TGFBR1: variants seen among roughly 807,000 people sequenced by gnomAD.
TGFBR1 encodes transforming growth factor beta receptor 1.
TGFBR1 carries 20 observed loss-of-function variants against 55.1 expected under a neutral mutation model. The observed-to-expected ratio is 0.36, with a 90% CI of 0.26 to 0.53. TGFBR1 has a LOEUF of 0.53. Among genes scored for constraint, TGFBR1 ranks in the 20% least tolerant of loss-of-function variants. The pLI is 0.91. For synonymous variants in TGFBR1, 220 were observed against 214.8 expected (o/e 1.02, Z -0.21); for missense variants, 385 against 617.6 (o/e 0.62, Z 3.99).
intron 1 of TGFBR1, among the ~76,000 whole-genome samples, chr9:99,110,665 C>T (rs764802736): frequency 3.3e-5 from 5 of 152,310 alleles, no homozygotes; most frequent in Non-Finnish European, 7.4e-5. Flanking sequence ...TGTAGACTAA[C>T]AGTAGTTCAG....
At chr9:99,107,438 A>T (rs774956747) in intron 1 of TGFBR1, among the ~76,000 whole-genome samples, 21 of 152,168 alleles carry the variant, frequency 1.4e-4, no homozygotes, top group Non-Finnish European at 2.4e-4. Context: ...CTATGTCTAT[A>T]TGTATATCCC....
intron 4 of TGFBR1, 73 bp downstream of exon 4, chr9:99,138,162 A>C: frequency 7.5e-7 from 1 of 1,335,476 alleles, no homozygotes; most frequent in Non-Finnish European, 1.1e-6. Context: ...ATGGTGACTA[A>C]CCATCATCAA....
chr9:99,135,878 G>A (rs1340501943), intron 3 of TGFBR1, among the ~76,000 whole-genome samples: 11 of 139,634 alleles, frequency 7.9e-5, no homozygotes, highest in Admixed American at 7.6e-4. Flanking sequence ...TTTTGGAGAC[G>A]GAGTTTCACT....
rs201894361 is a variant in TGFBR1 at position 99,150,621 on chromosome 9, C to G, written c.*1316C>G. On this transcript the variant is annotated 3_prime_UTR_variant, in exon 9 of 9. Transcript: ENST00000374994. ...GAGCTAGTGTGGTTTTGAGGTCTCA[C>G]TACACTTTGAGGAAGGCAGCTTTTA... The G allele has an allele frequency of 9.3e-6, 2 of 214,168 alleles. No individual in the cohort carries two copies. Among genetic ancestry groups the G allele is most frequent in the Non-Finnish European group, 1.9e-5 (2 of 105,676 alleles). 13.3% of individuals were successfully genotyped at this position (214,168 alleles called of 1,614,324 possible).
intron 4 of TGFBR1, among the ~76,000 whole-genome samples, chr9:99,141,654 G>T (rs932170896): frequency 1.3e-5 from 2 of 152,180 alleles, no homozygotes; most frequent in Non-Finnish European, 2.9e-5. Flanking sequence ...TCTTTTACTG[G>T]ATTGTGCTGT....
In TGFBR1 at chr9:99,150,120, A is replaced by G; in HGVS notation, c.*815A>G. The G allele has an allele frequency of 5.3e-6, 1 of 188,726 alleles. No homozygotes were observed. The highest frequency in any genetic ancestry group is 2.3e-5 in the African/African-American group (1 of 42,986). 11.7% of individuals were successfully genotyped at this position (188,726 alleles called of 1,614,324 possible). A position where few individuals can be genotyped will look rare whatever the true frequency, so the allele number is the denominator to read the frequency against. ...GTATGTCATTTGGTATTCTATTCTG[A>G]AAATGCCTTTCTCCTACCAAAATGT... On this transcript the variant is annotated 3_prime_UTR_variant, in exon 9 of 9. Coordinates refer to ENST00000374994, the MANE Select transcript of TGFBR1 (RefSeq NM_004612.4).
intron 8 of TGFBR1, 87 bp downstream of exon 8, chr9:99,147,871 TTTTC>T: frequency 9.7e-7 from 1 of 1,035,324 alleles, no homozygotes; most frequent in Non-Finnish European, 1.4e-6. Context: ...TAAGGAAAAC[TTTTC>T]TTTAAGAATT....
intron 2 of TGFBR1, among the ~76,000 whole-genome samples, chr9:99,129,913 TAAATA>T (rs1040631072): frequency 2.1e-4 from 32 of 151,712 alleles, no homozygotes; most frequent in African/African-American, 7.7e-4. Context: ...AAAAAGATAA[TAAATA>T]AATAAATAAA....
At chr9:99,124,308 C>CA (rs1449965339) in intron 1 of TGFBR1, among the ~76,000 whole-genome samples, 1 of 152,242 alleles carries the variant, frequency 6.6e-6, no homozygotes, top group East Asian at 1.9e-4. Context: ...TTGTCTTACT[C>CA]ATCTCTGCAC....
Position 99,153,071 on chromosome 9 carries a change from T to C in TGFBR1, c.*3766T>C, listed in dbSNP as rs1564185801. 8.8e-6 allele frequency: 2 copies of C among 227,918 alleles called. No homozygotes were observed. Among genetic ancestry groups the C allele is most frequent in the East Asian group, 1.3e-4 (2 of 15,846 alleles). 14.1% of individuals were successfully genotyped at this position (227,918 alleles called of 1,614,324 possible). On this transcript the variant is annotated 3_prime_UTR_variant, in exon 9 of 9. Transcript: ENST00000374994. ...CTGAATATCATGAACCATGTTTTGA[T>C]ACCCCTTTTTCACGTTGTGCCAACG...
rs1827264315 is a variant in TGFBR1, at chr9:99,132,462, T to G, written c.344-47T>G. 4 of 1,609,998 alleles carry G rather than the reference T, an allele frequency of 2.5e-6. No individual in the cohort carries two copies. In the East Asian group the frequency reaches 8.9e-5, roughly 36 times the overall value. On this transcript the variant is annotated intron_variant, in intron 2 of 8. Coordinates refer to ENST00000374994, the MANE Select transcript of TGFBR1 (RefSeq NM_004612.4). ...GGAAAATGGGGGTTGCCACCTACAG[T>G]GTTTTTGTCGTTGTTGATGTTTATT...
intron 3 of TGFBR1, among the ~76,000 whole-genome samples, chr9:99,136,230 T>G (rs1465592191): frequency 1.3e-5 from 2 of 152,204 alleles, no homozygotes; most frequent in Non-Finnish European, 2.9e-5. Flanking sequence ...GATCAAGATT[T>G]GCTTTTTAAT....
intron 1 of TGFBR1, among the ~76,000 whole-genome samples, chr9:99,123,335 A>C (rs897146512): frequency 2.0e-5 from 3 of 152,136 alleles, no homozygotes; most frequent in Non-Finnish European, 4.4e-5. Flanking sequence ...AGATTAAGAA[A>C]GCTATGCCCA....
At chr9:99,114,163 A>G (rs560933484) in intron 1 of TGFBR1, among the ~76,000 whole-genome samples, 2 of 152,352 alleles carry the variant, frequency 1.3e-5, no homozygotes, top group South Asian at 4.1e-4. Flanking sequence ...CATTTTCCAA[A>G]AAAGGATTTT....
At chr9:99,117,382 G>A (rs923181909) in intron 1 of TGFBR1, among the ~76,000 whole-genome samples, 24 of 151,836 alleles carry the variant, frequency 1.6e-4, no homozygotes, top group Admixed American at 1.4e-3. Context: ...TACAGCGTGA[G>A]CCACCGTGCC....
intron 1 of TGFBR1, among the ~76,000 whole-genome samples, chr9:99,120,745 T>G (rs1231762177): frequency 6.6e-6 from 1 of 152,190 alleles, no homozygotes; most frequent in Non-Finnish European, 1.5e-5. Flanking sequence ...CTCAGACAAC[T>G]GTAAGTAGTA....
Position 99,149,665 on chromosome 9 carries a change from A to G in TGFBR1, c.*360A>G, listed in dbSNP as rs145692006. 5.0e-3 allele frequency: 1,700 copies of G among 339,942 alleles called. 6 individuals carry two copies. The highest frequency in any genetic ancestry group is 7.4e-3 in the Non-Finnish European group (1,341 of 180,210). The allele number at this position is 339,942 out of a possible 1,614,324, so 21.1% of individuals were successfully genotyped here. ...AAAGGAGTTGGATTGCTGAATTACA[A>G]TGAAACATGTCTTATTACTAAAGAA... is the stretch of plus-strand genomic sequence containing the variant. On this transcript the variant is annotated 3_prime_UTR_variant, in exon 9 of 9. Transcript: ENST00000374994.
In TGFBR1 at chr9:99,149,344, T is replaced by A; in HGVS notation, c.*39T>A. ...CCTGAACTCTCCTTTTTTCTTCAGA[T>A]CTGCTCCTGGGTTTTAATTTGGGAG... On this transcript the variant is annotated 3_prime_UTR_variant, in exon 9 of 9. Coordinates refer to ENST00000374994, the MANE Select transcript of TGFBR1 (RefSeq NM_004612.4). 1 of 1,612,368 alleles carries A rather than the reference T, an allele frequency of 6.2e-7. No homozygotes were observed. The highest frequency in any genetic ancestry group is 8.5e-7 in the Non-Finnish European group (1 of 1,178,890).
At chr9:99,134,709 G>A (rs1168779171) in intron 3 of TGFBR1, among the ~76,000 whole-genome samples, 1 of 149,906 alleles carries the variant, frequency 6.7e-6, no homozygotes, top group African/African-American at 2.5e-5. Context: ...TAAAGGAATT[G>A]GTGGGTGGGT....
Sources: gnomAD v4.1 joint callset for allele counts (sites outside exome capture counted in the v4.1 genomes callset) on GRCh38, gnomAD v4.1.1 for gene constraint, MANE v1.5 for transcripts, NCBI Gene and HGNC (gene_info 2026-07-23, HGNC 2026-07-21) for gene names.